ZNF560: variants seen among roughly 807,000 people sequenced by gnomAD.
ZNF560 encodes the protein zinc finger protein 560.
ZNF560 carries 54 observed loss-of-function variants against 81.8 expected under a neutral mutation model. The ratio of observed to expected loss-of-function variants is 0.66; its 90% CI spans 0.53 to 0.83. The LOEUF is 0.83. ZNF560 is among the 40% of genes least tolerant of loss of function. ZNF560 has a pLI of 0.00. For missense variants in ZNF560, 940 were observed against 932.4 expected (o/e 1.01, Z -0.11); for synonymous variants, 321 against 317.9 (o/e 1.01, Z -0.10).
intron 8 of ZNF560, 81 bp downstream of exon 8, chr19:9,469,549 G>C (rs2144688580): frequency 8.0e-7 from 1 of 1,256,206 alleles, no homozygotes; most frequent in East Asian, 2.3e-5. Context: ...TGATTCAAAG[G>C]GCATCTTATA....
chr19:9,457,977 T>G, the ZNF560 span, among the ~76,000 whole-genome samples: 10 of 152,224 alleles, frequency 6.6e-5, no homozygotes, highest in Non-Finnish European at 1.5e-4. Context: ...TGCTCATTTT[T>G]CCAACTCAGC....
intron 2 of ZNF560, among the ~76,000 whole-genome samples, chr19:9,480,206 T>C (rs766643031): frequency 5.9e-5 from 9 of 152,096 alleles, no homozygotes; most frequent in Non-Finnish European, 1.3e-4. Flanking sequence ...TTATCCAAGA[T>C]AGATCATATG....
At chr19:9,478,049 T>C (rs1312445453) in intron 2 of ZNF560, among the ~76,000 whole-genome samples, 1 of 151,982 alleles carries the variant, frequency 6.6e-6, no homozygotes, top group Non-Finnish European at 1.5e-5. Context: ...GGCAAACATC[T>C]CCAATCACAT....
intron 2 of ZNF560, 91 bp downstream of exon 2, chr19:9,498,037 A>G (rs1278058374): frequency 6.6e-6 from 1 of 152,340 alleles, no homozygotes; most frequent in East Asian, 1.9e-4. Flanking sequence ...AGGTTTCACA[A>G]AGGCAAAATG....
At chr19:9,486,963 C>A (rs2073394964) in intron 2 of ZNF560, among the ~76,000 whole-genome samples, 2 of 152,270 alleles carry the variant, frequency 1.3e-5, no homozygotes, top group South Asian at 4.1e-4. Context: ...ATGCCCCTTC[C>A]TTATTTGGAA....
chr19:9,482,002 T>C (rs1157274289), intron 2 of ZNF560, among the ~76,000 whole-genome samples: 1 of 152,164 alleles, frequency 6.6e-6, no homozygotes. Context: ...CTATTCACAA[T>C]AGCAAACACT....
the ZNF560 span, among the ~76,000 whole-genome samples, chr19:9,447,633 G>C: frequency 6.6e-6 from 1 of 152,098 alleles, no homozygotes; most frequent in South Asian, 2.1e-4. Flanking sequence ...AGAGCTTGAA[G>C]ACTGGTCTTT....
chr19:9,448,543 G>A, the ZNF560 span, among the ~76,000 whole-genome samples: 49 of 151,662 alleles, frequency 3.2e-4, no homozygotes, highest in African/African-American at 1.1e-3. Flanking sequence ...CCCCTTAACG[G>A]AGTTCTAAAC....
At chr19:9,496,187 T>C (rs566991060) in intron 2 of ZNF560, among the ~76,000 whole-genome samples, 1 of 152,164 alleles carries the variant, frequency 6.6e-6, no homozygotes, top group South Asian at 2.1e-4. Flanking sequence ...GAACAAGATA[T>C]TCTGGGCGTC....
chr19:9,474,277 A>C lies in ZNF560; in HGVS notation c.79T>G (p.Trp27Gly). 1 of 1,613,752 alleles carries C rather than the reference A, an allele frequency of 6.2e-7. No individual in the cohort carries two copies. The highest frequency in any genetic ancestry group is 1.1e-5 in the South Asian group (1 of 91,056). The change falls in exon 4 of 10, where the codon TGG (tryptophan) becomes GGG (glycine). Residue 27 changes from tryptophan (W) to glycine (G), a missense_variant. Coordinates refer to ENST00000301480, the MANE Select transcript of ZNF560 (RefSeq NM_152476.3). ...DTAVDFTQEE[W>G]ILLDPVQRNL... ...CTCTGAACTGGGTCCAGTAAAATCC[A>C]CTCCTCCTGGGTGAAGTCCACAGCT...
chr19:9,487,788 G>C (rs1316606220), intron 2 of ZNF560, among the ~76,000 whole-genome samples: 1 of 152,176 alleles, frequency 6.6e-6, no homozygotes, highest in East Asian at 1.9e-4. Context: ...TTGTACATCT[G>C]GTCACTTGAG....
chr19:9,454,855 G>C, the ZNF560 span, among the ~76,000 whole-genome samples: 1 of 152,096 alleles, frequency 6.6e-6, no homozygotes, highest in East Asian at 1.9e-4. Context: ...AAAGAAGAGA[G>C]GGAGTGTGAT....
intron 1 of ZNF560, among the ~76,000 whole-genome samples, 158 bp from the exon 2 acceptor site, chr19:9,498,373 A>T (rs1295571146): frequency 6.6e-6 from 1 of 152,146 alleles, no homozygotes; most frequent in Admixed American, 6.5e-5. Context: ...CGAAGGTCCC[A>T]ATGGCCTCTT....
At position 9,468,104 on chromosome 19, in the gene ZNF560, C is replaced by A. The variant is rs1216888539; in HGVS notation, c.843G>T (p.Gln281His). The A allele has an allele frequency of 1.2e-6, 2 of 1,614,080 alleles. No homozygotes were observed. The highest frequency in any genetic ancestry group is 2.2e-5 in the South Asian group (2 of 91,068). The change falls in exon 10 of 10, where the codon CAG becomes CAT. Residue 281 changes from glutamine to histidine, a missense_variant. By Grantham distance (24) the Gln-to-His change is conservative. Coordinates refer to ENST00000301480, the MANE Select transcript of ZNF560 (RefSeq NM_152476.3). ...TATCTTGTGTACACTTTCTCTGGAC[C>A]TGAACATTTAAAATCAGGCGGAAAG... is the stretch of plus-strand genomic sequence containing the variant. ...GKSFRLILNV[Q>H]VQRKCTQDKS... is the part of the protein sequence containing the mutation.
At chr19:9,495,999 T>C (rs1192153583) in intron 2 of ZNF560, among the ~76,000 whole-genome samples, 2 of 152,200 alleles carry the variant, frequency 1.3e-5, no homozygotes, top group Non-Finnish European at 2.9e-5. Flanking sequence ...ACAAGACCTA[T>C]GGATGGGAAT....
intron 2 of ZNF560, among the ~76,000 whole-genome samples, chr19:9,496,974 G>A (rs1167105580): frequency 6.6e-6 from 1 of 151,850 alleles, no homozygotes; most frequent in Non-Finnish European, 1.5e-5. Flanking sequence ...TTTCAACAAC[G>A]TAGATAGAAC....
intron 4 of ZNF560, among the ~76,000 whole-genome samples, chr19:9,473,757 T>G (rs1044129299): frequency 6.6e-6 from 1 of 152,206 alleles, no homozygotes; most frequent in East Asian, 1.9e-4. Flanking sequence ...TTCATGCTTA[T>G]GTGCACATTT....
rs191393572 is a variant in ZNF560 at position 9,468,922 on chromosome 19, G to A, written c.612+183C>T. On this transcript the variant is annotated intron_variant, in intron 9 of 9. Coordinates refer to ENST00000301480, the MANE Select transcript of ZNF560 (RefSeq NM_152476.3). Reference sequence around the variant, plus strand: ...TTTTTGTATTTTTAGTAGAGATGGGGTTTCACCATATTGGCCAGGCTGGTC... The same window carrying A: ...TTTTTGTATTTTTAGTAGAGATGGGATTTCACCATATTGGCCAGGCTGGTC... Among the ~76,000 whole-genome samples, 1,237 of 151,930 alleles carry A rather than the reference G, an allele frequency of 8.1e-3. 4 individuals are homozygous for A. Among genetic ancestry groups the A allele is most frequent in the Non-Finnish European group, 0.013 (896 of 67,958 alleles).
At chr19:9,483,731 C>T (rs1186844826) in intron 2 of ZNF560, among the ~76,000 whole-genome samples, 17 of 140,634 alleles carry the variant, frequency 1.2e-4, no homozygotes, top group Non-Finnish European at 2.2e-4. Flanking sequence ...CGCCTCTGCC[C>T]GGCTGCCCCT....
Sources: allele counts gnomAD v4.1 joint callset (sites outside exome capture counted in the v4.1 genomes callset), GRCh38; gene constraint gnomAD v4.1.1; transcripts MANE v1.5; gene names NCBI Gene and HGNC (gene_info 2026-07-23, HGNC 2026-07-21).